The following TRIM55 variants were observed in gnomAD, a reference collection of about 807,000 sequenced individuals.
TRIM55 encodes tripartite motif containing 55.
TRIM55 carries 50 observed loss-of-function variants against 60.9 expected under a neutral mutation model. The observed-to-expected ratio is 0.82, with a 90% confidence interval of 0.65 to 1.04. TRIM55 has a LOEUF of 1.04. TRIM55 is among the 50% of genes least tolerant of loss of function. TRIM55 has a pLI of 0.00. For missense variants in TRIM55, 681 were observed against 666.9 expected, an observed-to-expected ratio of 1.02 and a Z score of -0.23; for synonymous variants, 237 against 238.1, an observed-to-expected ratio of 1.00 and a Z score of 0.04.
chr8:66,163,119 C>T (rs905820166), intron 9 of TRIM55, among the ~76,000 whole-genome samples: 3 of 152,152 alleles, frequency 2.0e-5, no homozygotes, highest in African/African-American at 7.2e-5. Flanking sequence ...CCCAGTACCA[C>T]ACTGTCTTGA....
the TRIM55 span, among the ~76,000 whole-genome samples, chr8:66,114,080 A>ACT: frequency 2.5e-5 from 1 of 39,558 alleles, no homozygotes. Context: ...CGAAGGAGAG[A>ACT]CACCCCCCCC....
chr8:66,114,400 GCTAGCAGTTTATCCTT>G, the TRIM55 span, among the ~76,000 whole-genome samples: 2 of 152,204 alleles, frequency 1.3e-5, no homozygotes, highest in Non-Finnish European at 2.9e-5. Flanking sequence ...AGTGGTGGGC[GCTAGCAGTTTATCCTT>G]CTAGCTTTAA....
chr8:66,142,432 A>C (rs1160169846), intron 4 of TRIM55, among the ~76,000 whole-genome samples: 1 of 152,210 alleles, frequency 6.6e-6, no homozygotes, highest in Non-Finnish European at 1.5e-5. Flanking sequence ...TCTGGGAAAC[A>C]TGGTGACTAC....
intron 4 of TRIM55, among the ~76,000 whole-genome samples, chr8:66,138,735 G>A (rs539515052): frequency 6.6e-6 from 1 of 152,238 alleles, no homozygotes; most frequent in South Asian, 2.1e-4. Context: ...AGGAGATTCA[G>A]TTTCTCAGTT....
intron 9 of TRIM55, among the ~76,000 whole-genome samples, chr8:66,160,500 T>C (rs1810987954): frequency 6.6e-6 from 1 of 152,136 alleles, no homozygotes; most frequent in South Asian, 2.1e-4. Context: ...GCAAGTATCT[T>C]TTTTGTATAA....
intron 9 of TRIM55, among the ~76,000 whole-genome samples, chr8:66,167,677 C>A (rs1477253126): frequency 6.6e-6 from 1 of 152,120 alleles, no homozygotes; most frequent in Non-Finnish European, 1.5e-5. Flanking sequence ...GGCAACAAAG[C>A]CCCCCAGTCA....
At position 66,149,738 on chromosome 8, in the gene TRIM55, A is replaced by C; in HGVS notation, c.697A>C (p.Ile233Leu). 1 of 1,614,200 alleles carries C rather than the reference A, an allele frequency of 6.2e-7. No individual in the cohort carries two copies. Among genetic ancestry groups the C allele is most frequent in the Non-Finnish European group, 8.5e-7 (1 of 1,180,014 alleles). The part of the protein sequence containing the change: ...EERKNEMTQV[I>L]TRTQEEKLEH... ...GAGGAAGAATGAAATGACCCAAGTCATTACCCGAACCCAAGAGGAGAAACT... is the reference window on the plus strand; with the variant it reads ...GAGGAAGAATGAAATGACCCAAGTCCTTACCCGAACCCAAGAGGAGAAACT... The change falls in exon 5 of 10, where the codon ATT becomes CTT. Residue 233 changes from isoleucine to leucine, a missense_variant. By Grantham distance (5) the Ile-to-Leu change is conservative (BLOSUM62 2). Transcript: ENST00000315962.
chr8:66,171,845 C>T lies in TRIM55; in HGVS notation c.1525-2626C>T, dbSNP rs558737996. 4.6e-5 allele frequency among the ~76,000 whole-genome samples: 7 copies of T among 152,314 alleles called. No homozygotes were observed. The East Asian group carries it at 9.6e-4, about 21-fold the overall frequency. On this transcript the variant is annotated intron_variant, in intron 9 of 9. Coordinates refer to ENST00000315962, the MANE Select transcript of TRIM55 (RefSeq NM_184085.2). ...GGTAGCCATGTATGAAGTTGGGCCT[C>T]TTGGAGATACACTGGACAGTGTCAT... is the stretch of plus-strand genomic sequence containing the variant.
intron 2 of TRIM55, among the ~76,000 whole-genome samples, chr8:66,132,863 A>G (rs1168046358): frequency 6.6e-6 from 1 of 152,228 alleles, no homozygotes; most frequent in Admixed American, 6.5e-5. Flanking sequence ...ATACAGCACC[A>G]TGAAAAAAAT....
upstream of TRIM55, chr8:66,127,083 C>A (rs777159303): frequency 3.6e-6 from 2 of 558,070 alleles, no homozygotes; most frequent in Non-Finnish European, 6.2e-6. Context: ...CCCACCGTCA[C>A]GTGACCGCAG....
rs1368203215 is a variant in TRIM55, at chr8:66,175,315, C to T, written c.*722C>T. 1 of 152,166 alleles carries T rather than the reference C, an allele frequency of 6.6e-6. No individual in the cohort carries two copies. The highest frequency in any genetic ancestry group is 2.1e-4 in the South Asian group (1 of 4,822). 9.4% of individuals were successfully genotyped at this position (152,166 alleles called of 1,614,324 possible). On this transcript the variant is annotated 3_prime_UTR_variant, in exon 10 of 10. Coordinates refer to ENST00000315962, the MANE Select transcript of TRIM55 (RefSeq NM_184085.2). ...CTCTTTTATTCACTGTGGCACCAATCTGGTAAATTGTAGAACAATTGCATG... is the reference window on the plus strand; with the variant it reads ...CTCTTTTATTCACTGTGGCACCAATTTGGTAAATTGTAGAACAATTGCATG...
At chr8:66,144,158 T>C (rs1420685126) in intron 4 of TRIM55, among the ~76,000 whole-genome samples, 1 of 152,206 alleles carries the variant, frequency 6.6e-6, no homozygotes, top group Non-Finnish European at 1.5e-5. Context: ...TTTAGGTCAA[T>C]GTTAAATGTT....
At chr8:66,114,269 T>C in the TRIM55 span, among the ~76,000 whole-genome samples, 2 of 152,138 alleles carry the variant, frequency 1.3e-5, no homozygotes, top group African/African-American at 4.8e-5. Context: ...CCAGTTTTCC[T>C]TCCTGTCCCG....
At chr8:66,121,853 T>A in the TRIM55 span, among the ~76,000 whole-genome samples, 1 of 152,232 alleles carries the variant, frequency 6.6e-6, no homozygotes, top group African/African-American at 2.4e-5. Context: ...AATTTTTTCT[T>A]TTATCAGCTG....
chr8:66,121,965 C>G (rs1563626663), upstream of TRIM55, among the ~76,000 whole-genome samples: 6 of 152,070 alleles, frequency 3.9e-5, no homozygotes. Context: ...CCTCCTGGAC[C>G]CTGTGAATGA....
At chr8:66,159,654 C>G (rs1009616338) in intron 9 of TRIM55, among the ~76,000 whole-genome samples, 16 of 152,200 alleles carry the variant, frequency 1.1e-4, no homozygotes, top group Non-Finnish European at 2.2e-4. Context: ...CTGTTTCCAC[C>G]AGCAAGGTAA....
chr8:66,128,266 C>T, intron 1 of TRIM55, 38 bp from the exon 2 acceptor site: 3 of 1,536,100 alleles, frequency 2.0e-6, no homozygotes, highest in Non-Finnish European at 2.6e-6. Context: ...CTGCTTGTGG[C>T]ATTACCCAAT....
the TRIM55 span, chr8:66,113,539 A>G: frequency 2.2e-6 from 1 of 456,116 alleles, no homozygotes; most frequent in African/African-American, 2.0e-5. Context: ...ATTGCATTCC[A>G]ACGAGCAGTT....
chr8:66,160,356 G>GGTGTGTGTGTGTGTGTGTGT (rs35422649), intron 9 of TRIM55, among the ~76,000 whole-genome samples: 31 of 146,050 alleles, frequency 2.1e-4, no homozygotes, highest in African/African-American at 7.6e-4. Flanking sequence ...AGTATTCCAT[G>GGTGTGTGTGTGTGTGTGTGT]GTGTGTGTGT....
Sources: gnomAD v4.1 joint callset for allele counts (sites outside exome capture counted in the v4.1 genomes callset) on GRCh38, gnomAD v4.1.1 for gene constraint, MANE v1.5 for transcripts, NCBI Gene and HGNC (gene_info 2026-07-23, HGNC 2026-07-21) for gene names.